Variants in BTLA observed in about 807,000 individuals in gnomAD.
BTLA encodes B- and T-lymphocyte attenuator.
In BTLA, 11 loss-of-function variants were observed where a neutral mutation model predicts 25.0. The ratio of observed to expected loss-of-function variants is 0.44; its 90% CI spans 0.28 to 0.73. The LOEUF (loss-of-function observed/expected upper bound fraction) is 0.73. Ranked by LOEUF, BTLA falls within the 30% of genes least tolerant of loss-of-function variation. The probability of loss-of-function intolerance (pLI) is 0.15; values close to 1 mark genes in which losing one functional copy is unlikely to be tolerated. For missense variants in BTLA, 282 were observed against 332.8 expected (o/e 0.85, Z 1.19); for synonymous variants, 104 against 119.8 (o/e 0.87, Z 0.86).
chr3:112,464,897 C>T lies in BTLA; in HGVS notation c.*1211G>A, dbSNP rs1412551576. The T allele has an allele frequency of 6.6e-6, 1 of 152,076 alleles. No individual in the cohort carries two copies. Among genetic ancestry groups the T allele is most frequent in the African/African-American group, 2.4e-5 (1 of 41,396 alleles). 9.4% of individuals were successfully genotyped at this position (152,076 alleles called of 1,614,324 possible). On this transcript the variant is annotated 3_prime_UTR_variant, in exon 5 of 5. Transcript: ENST00000334529. ...AATGGATTTTAACCTTTGCTATCCA[C>T]TTTGTATGAAGACTATTACATTATT...
intron 2 of BTLA, among the ~76,000 whole-genome samples, chr3:112,477,335 G>T (rs1342784422): frequency 1.4e-5 from 2 of 142,068 alleles, no homozygotes; most frequent in South Asian, 2.4e-4. Context: ...TCACATCCTT[G>T]CTAACACTTA....
intron 2 of BTLA, among the ~76,000 whole-genome samples, chr3:112,477,263 AC>A (rs1240986669): frequency 2.0e-5 from 3 of 152,008 alleles, no homozygotes; most frequent in African/African-American, 7.2e-5. Flanking sequence ...CTGTTAGACC[AC>A]TTTCTAAAGT....
chr3:112,466,794 C>T (rs924915136), intron 4 of BTLA, among the ~76,000 whole-genome samples: 4 of 152,026 alleles, frequency 2.6e-5, no homozygotes, highest in African/African-American at 9.7e-5. Context: ...AGAACAAATA[C>T]CCCCTAAGAG....
intron 1 of BTLA, among the ~76,000 whole-genome samples, chr3:112,485,191 C>T (rs558067062): frequency 1.3e-5 from 2 of 151,644 alleles, no homozygotes; most frequent in African/African-American, 4.8e-5. Context: ...ATTACAGGCA[C>T]CCACAACCAC....
At chr3:112,486,083 C>T (rs1350530438) in intron 1 of BTLA, among the ~76,000 whole-genome samples, 2 of 152,242 alleles carry the variant, frequency 1.3e-5, no homozygotes, top group African/African-American at 4.8e-5. Flanking sequence ...CGCCACTGCA[C>T]TCCAGCCTGG....
intron 4 of BTLA, 39 bp from the exon 5 acceptor site, chr3:112,466,422 G>C (rs368161729): frequency 6.6e-7 from 1 of 1,509,020 alleles, no homozygotes; most frequent in Non-Finnish European, 8.9e-7. Context: ...TGACACTTAC[G>C]GCCATGGTAG....
chr3:112,490,897 G>A (rs1162953265), intron 1 of BTLA, among the ~76,000 whole-genome samples: 1 of 151,930 alleles, frequency 6.6e-6, no homozygotes, highest in Non-Finnish European at 1.5e-5. Context: ...ACACTTTAAA[G>A]CAATTTCTTC....
At chr3:112,489,539 A>AAATGAATGACTGT (rs1474107250) in intron 1 of BTLA, among the ~76,000 whole-genome samples, 2 of 152,234 alleles carry the variant, frequency 1.3e-5, no homozygotes, top group Non-Finnish European at 2.9e-5. Flanking sequence ...CCATTCAAAT[A>AAATGAATGACTGT]AATGAATGAC....
In BTLA at chr3:112,465,939, G is replaced by T. The variant is rs2082222840; in HGVS notation, c.*169C>A. On this transcript the variant is annotated 3_prime_UTR_variant, in exon 5 of 5. Coordinates refer to ENST00000334529, the MANE Select transcript of BTLA (RefSeq NM_181780.4). ...AAAGCTCCCAAATAAGTTTCTGAGA[G>T]AAATTTTAATCATTTATCCTATGGA... 1 of 647,338 alleles carries T rather than the reference G, an allele frequency of 1.5e-6. No homozygotes were observed. The allele number at this position is 647,338 out of a possible 1,614,324, so 40.1% of individuals were successfully genotyped here.
intron 2 of BTLA, among the ~76,000 whole-genome samples, chr3:112,472,476 C>G (rs113890736): frequency 2.6e-5 from 4 of 152,000 alleles, no homozygotes; most frequent in African/African-American, 7.3e-5. Flanking sequence ...GTAGGCGGAT[C>G]ACTTGAGATC....
At chr3:112,476,512 C>T (rs543645711) in intron 2 of BTLA, among the ~76,000 whole-genome samples, 30 of 152,078 alleles carry the variant, frequency 2.0e-4, no homozygotes, top group African/African-American at 4.8e-4. Context: ...CTAAACTGTA[C>T]GAGGTTGCAT....
At chr3:112,485,200 A>C (rs891651314) in intron 1 of BTLA, among the ~76,000 whole-genome samples, 1 of 151,256 alleles carries the variant, frequency 6.6e-6, no homozygotes, top group Non-Finnish European at 1.5e-5. Context: ...ACCCACAACC[A>C]CGCCCGGCTA....
chr3:112,466,606 G>A (rs1440763292), intron 4 of BTLA, among the ~76,000 whole-genome samples: 1 of 152,086 alleles, frequency 6.6e-6, no homozygotes, highest in East Asian at 1.9e-4. Flanking sequence ...TAGTTATTTT[G>A]TGCTTTATTA....
rs775128652 is a variant in BTLA at position 112,473,608 on chromosome 3, CTTCTTTTTTTTTTTT to C, written c.404-2268_404-2254del. Among the ~76,000 whole-genome samples, 20 of 137,436 alleles carry C rather than the reference CTTCTTTTTTTTTTTT, an allele frequency of 1.5e-4. No homozygotes were observed. The East Asian group carries it at 2.4e-3, about 16-fold the overall frequency. The allele number at this position is 137,436 out of a possible 152,430, so 90.2% of individuals were successfully genotyped here. ...ATTTTGGGGAAGTTCTTTTTTTCTTCTTCTTTTTTTTTTTTTTTTTTTTTGAGATGGAGTCTCGCT... is the reference window on the plus strand; with the variant it reads ...ATTTTGGGGAAGTTCTTTTTTTCTTCTTTTTTTTTGAGATGGAGTCTCGCT... On this transcript the variant is annotated intron_variant, in intron 2 of 4. Transcript: ENST00000334529.
intron 2 of BTLA, among the ~76,000 whole-genome samples, chr3:112,472,524 C>T (rs1274480955): frequency 6.6e-6 from 1 of 151,860 alleles, no homozygotes; most frequent in Non-Finnish European, 1.5e-5. Context: ...TGGTGAAACC[C>T]CGTCTCTACT....
intron 1 of BTLA, among the ~76,000 whole-genome samples, chr3:112,494,898 A>C (rs1309461084): frequency 6.6e-6 from 1 of 152,230 alleles, no homozygotes; most frequent in Non-Finnish European, 1.5e-5. Flanking sequence ...AAAGAAAAAA[A>C]AGAGTAGATA....
intron 1 of BTLA, among the ~76,000 whole-genome samples, chr3:112,494,587 AGAT>A (rs1576693944): frequency 6.6e-6 from 1 of 152,356 alleles, no homozygotes; most frequent in East Asian, 1.9e-4. Flanking sequence ...AAAAAGAATG[AGAT>A]CATGCCCTTT....
chr3:112,490,607 A>T (rs1379321013), intron 1 of BTLA, among the ~76,000 whole-genome samples: 2 of 2,894 alleles, frequency 6.9e-4, no homozygotes, highest in Non-Finnish European at 2.8e-3. Flanking sequence ...CTGGGTAAAC[A>T]CACACACACA....
intron 2 of BTLA, among the ~76,000 whole-genome samples, chr3:112,473,611 CTTTTTTTTTT>C (rs777897332): frequency 1.7e-5 from 2 of 115,154 alleles, no homozygotes; most frequent in Non-Finnish European, 3.5e-5. Flanking sequence ...TTTTCTTCTT[CTTTTTTTTTT>C]TTTTTTTTTT....
Sources: allele counts gnomAD v4.1 joint callset (sites outside exome capture counted in the v4.1 genomes callset), GRCh38; gene constraint gnomAD v4.1.1; transcripts MANE v1.5; gene names NCBI Gene and HGNC (gene_info 2026-07-23, HGNC 2026-07-21).